IGSF23: variants seen among roughly 807,000 people sequenced by gnomAD.
IGSF23 encodes immunoglobulin superfamily member 23, also known as immunoglobulin superfamily, member 23.
IGSF23 carries 14 observed loss-of-function variants against 17.8 expected under a neutral mutation model. That is an observed-to-expected ratio of 0.79 (90% confidence interval 0.52 to 1.23). The LOEUF is 1.23. Among genes scored for constraint, IGSF23 ranks in the 50% most tolerant of loss-of-function variants. The pLI is 0.00. For synonymous variants in IGSF23, 85 were observed against 92.5 expected, an observed-to-expected ratio of 0.92 and a Z score of 0.46; for missense variants, 214 against 241.7, an observed-to-expected ratio of 0.89 and a Z score of 0.76.
At chr19:44,631,166 C>T (rs1972757816) in intron 3 of IGSF23, among the ~76,000 whole-genome samples, 1 of 151,608 alleles carries the variant, frequency 6.6e-6, no homozygotes, top group African/African-American at 2.4e-5. Flanking sequence ...ACTCGAAAGG[C>T]TAAGGTGGGA....
At chr19:44,632,656 T>C (rs1192418465) in intron 3 of IGSF23, 2 of 153,206 alleles carry the variant, frequency 1.3e-5, no homozygotes, top group Non-Finnish European at 2.9e-5. Flanking sequence ...CCCCAAGTTA[T>C]TATTTTACCT....
intron 4 of IGSF23, among the ~76,000 whole-genome samples, chr19:44,636,056 C>T (rs1972882797): frequency 6.6e-6 from 1 of 152,166 alleles, no homozygotes. Context: ...GTCTCTCATC[C>T]TCCAGCAGGG....
Position 44,629,824 on chromosome 19 carries a change from G to T in IGSF23, c.545+2251G>T, listed in dbSNP as rs534643010. Reference sequence around the variant, plus strand: ...AATTTTTGTATTTTTAGTAGAGACGGAGTTTCACCATGTTGGCCAGGATGG... The same window carrying T: ...AATTTTTGTATTTTTAGTAGAGACGTAGTTTCACCATGTTGGCCAGGATGG... On this transcript the variant is annotated intron_variant, in intron 3 of 4. Transcript: ENST00000402988. Among the ~76,000 whole-genome samples, 10 of 152,014 alleles carry T rather than the reference G, an allele frequency of 6.6e-5. No individual in the cohort carries two copies. The East Asian group carries it at 1.9e-3, about 30-fold the overall frequency.
In IGSF23 at chr19:44,613,594, G is replaced by T. The variant is rs189201550; in HGVS notation, c.-52G>T. 5.3e-6 allele frequency: 8 copies of T among 1,499,312 alleles called. No homozygotes were observed. The highest frequency in any genetic ancestry group is 2.8e-5 in the African/African-American group (2 of 72,034). 92.9% of individuals were successfully genotyped at this position (1,499,312 alleles called of 1,614,324 possible). On this transcript the variant is annotated 5_prime_UTR_variant, in exon 1 of 5. Transcript: ENST00000402988. ...TGCCTTTGATGTGAGTGATAGGAGC[G>T]GGCGATTCTGCTTCTCCCTCCATCT...
chr19:44,632,020 T>A (rs1414667432), intron 3 of IGSF23, among the ~76,000 whole-genome samples: 1 of 152,228 alleles, frequency 6.6e-6, no homozygotes, highest in Non-Finnish European at 1.5e-5. Flanking sequence ...AAACATCCCT[T>A]TAGGGGACCA....
At chr19:44,629,990 A>T (rs1005518232) in intron 3 of IGSF23, among the ~76,000 whole-genome samples, 5 of 151,868 alleles carry the variant, frequency 3.3e-5, no homozygotes, top group African/African-American at 1.2e-4. Context: ...ATCTCATTTC[A>T]GTCCAGAGAG....
At chr19:44,616,508 C>T (rs374252824) in intron 1 of IGSF23, among the ~76,000 whole-genome samples, 1 of 151,568 alleles carries the variant, frequency 6.6e-6, no homozygotes, top group South Asian at 2.1e-4. Flanking sequence ...CCATCCTGGC[C>T]GACATGGTGA....
In IGSF23 at chr19:44,627,616, C is replaced by T. The variant is rs1342326177; in HGVS notation, c.545+43C>T. 3.9e-6 allele frequency: 6 copies of T among 1,520,574 alleles called. No individual in the cohort carries two copies. The Admixed American group carries it at 1.0e-4, about 25-fold the overall frequency. The allele number at this position is 1,520,574 out of a possible 1,614,324, so 94.2% of individuals were successfully genotyped here. A position where few individuals can be genotyped will look rare whatever the true frequency, so the allele number is the denominator to read the frequency against. ...CCCCGTCCACTGGGCAACATCCACT[C>T]AGCCCCCATGGGGCACAGAGCTGGC... On this transcript the variant is annotated intron_variant, in intron 3 of 4. Coordinates refer to ENST00000402988, the MANE Select transcript of IGSF23 (RefSeq NM_001205280.2).
chr19:44,614,925 A>ACACTTTCC (rs1233455513), intron 1 of IGSF23, among the ~76,000 whole-genome samples: 3 of 152,156 alleles, frequency 2.0e-5, no homozygotes, highest in Non-Finnish European at 4.4e-5. Flanking sequence ...TTCCCAGACC[A>ACACTTTCC]CACTTTCCAG....
chr19:44,632,733 G>A (rs909113404), intron 3 of IGSF23: 63 of 152,436 alleles, frequency 4.1e-4, no homozygotes, highest in African/African-American at 1.2e-3. Context: ...CTTTGCAGCT[G>A]GTTTCTGTAG....
chr19:44,623,669 T>C, intron 1 of IGSF23, 38 bp from the exon 2 acceptor site: 3 of 1,542,880 alleles, frequency 1.9e-6, no homozygotes, highest in Non-Finnish European at 2.6e-6. Context: ...CTGAGTGGAC[T>C]CCACTCTTGT....
intron 3 of IGSF23, among the ~76,000 whole-genome samples, chr19:44,629,124 G>A (rs1972714729): frequency 6.6e-6 from 1 of 152,172 alleles, no homozygotes; most frequent in African/African-American, 2.4e-5. Context: ...CCTTGCATAA[G>A]GCCTTGTAGG....
chr19:44,613,753 C>T lies in IGSF23; in HGVS notation c.108C>T (p.Asp36=), dbSNP rs1424918509. ...TAGAGAAGGATGCGGCTGGAGGTGA[C>T]TTCCCAGCCAACTTGGTGTAAGTCA... ...PMLEKDAAGG[D]FPANLVLQLM... is the part of the protein sequence containing the mutation. The change falls in exon 1 of 5, where the codon GAC becomes GAT. Residue 36 remains aspartate, a synonymous_variant. Transcript: ENST00000402988. The T allele has an allele frequency of 3.9e-6, 6 of 1,550,380 alleles. No individual in the cohort carries two copies. The African/African-American group carries it at 6.8e-5, about 18-fold the overall frequency.
chr19:44,619,055 G>C (rs1218646601), intron 1 of IGSF23, among the ~76,000 whole-genome samples: 2 of 152,026 alleles, frequency 1.3e-5, no homozygotes, highest in Non-Finnish European at 2.9e-5. Flanking sequence ...GCCAGCATCT[G>C]CTCAGCTTCT....
At chr19:44,616,298 A>G (rs1223690022) in intron 1 of IGSF23, among the ~76,000 whole-genome samples, 1 of 152,202 alleles carries the variant, frequency 6.6e-6, no homozygotes, top group Admixed American at 6.5e-5. Context: ...GATTTGTTTT[A>G]CTGCTTTTTA....
At chr19:44,622,208 GAA>G (rs1250112959) in intron 1 of IGSF23, among the ~76,000 whole-genome samples, 28 of 113,732 alleles carry the variant, frequency 2.5e-4, no homozygotes, top group Admixed American at 3.7e-4. Context: ...TCCGTTTCAA[GAA>G]AAAAAAAAAA....
intron 1 of IGSF23, among the ~76,000 whole-genome samples, chr19:44,619,917 T>A (rs916850022): frequency 4.6e-5 from 7 of 152,188 alleles, no homozygotes; most frequent in Admixed American, 2.6e-4. Flanking sequence ...TCAATTCAGT[T>A]CATAACAGAG....
chr19:44,629,894 G>A (rs1246487271), intron 3 of IGSF23, among the ~76,000 whole-genome samples: 1 of 151,974 alleles, frequency 6.6e-6, no homozygotes, highest in Admixed American at 6.6e-5. Context: ...GCAAAGTGCT[G>A]GGATTACAAG....
chr19:44,622,485 C>A (rs1972544433), intron 1 of IGSF23, among the ~76,000 whole-genome samples: 1 of 152,180 alleles, frequency 6.6e-6, no homozygotes, highest in South Asian at 2.1e-4. Flanking sequence ...GAGCCCCAAA[C>A]CTCAGAGCCT....
Sources: gnomAD v4.1 joint callset for allele counts (sites outside exome capture counted in the v4.1 genomes callset) on GRCh38, gnomAD v4.1.1 for gene constraint, MANE v1.5 for transcripts, NCBI Gene and HGNC (gene_info 2026-07-23, HGNC 2026-07-21) for gene names.